Variants in LARGE1 observed in about 807,000 individuals in gnomAD.
LARGE1 encodes the protein xylosyl- and glucuronyltransferase LARGE1.
A neutral mutation model predicts 87.6 loss-of-function variants in LARGE1; 43 were observed. The observed-to-expected ratio is 0.49, with a 90% CI of 0.38 to 0.63. LARGE1 has a LOEUF of 0.63. Ranked by LOEUF, LARGE1 falls within the 30% of genes least tolerant of loss-of-function variation. The pLI is 0.00. For synonymous variants in LARGE1, 434 were observed against 394.6 expected (o/e 1.10, Z -1.18); for missense variants, 802 against 1,000.2 (o/e 0.80, Z 2.67).
At chr22:33,502,520 A>C (rs1393915402) in intron 6 of LARGE1, among the ~76,000 whole-genome samples, 3 of 152,156 alleles carry the variant, frequency 2.0e-5, no homozygotes, top group African/African-American at 7.2e-5. Context: ...CAGCCTCCAA[A>C]TATAATGTTG....
intron 2 of LARGE1, among the ~76,000 whole-genome samples, chr22:33,749,886 T>A (rs12329999): frequency 0.016 from 2,458 of 152,258 alleles, 71 homozygotes; most frequent in African/African-American, 0.057. Context: ...TATCTGCAAG[T>A]TCTTCAGTGA....
In LARGE1 at chr22:33,423,552, C is replaced by T. The variant is rs774631564; in HGVS notation, c.892+8609G>A. On this transcript the variant is annotated intron_variant, in intron 7 of 14. Coordinates refer to ENST00000397394, the MANE Select transcript of LARGE1 (RefSeq NM_133642.5). The stretch of plus-strand genomic sequence containing the variant: ...TAAATTAGCTGGGCATGGTGGTGTG[C>T]GCCTGTAATCCCAGCTACTCAGGAG... Among the ~76,000 whole-genome samples the T allele has an allele frequency of 8.6e-5, 13 of 151,558 alleles. No individual in the cohort carries two copies. In the East Asian group the frequency reaches 2.1e-3, roughly 25 times the overall value.
intron 6 of LARGE1, among the ~76,000 whole-genome samples, chr22:33,500,582 A>G (rs1435523019): frequency 1.3e-5 from 2 of 152,182 alleles, no homozygotes; most frequent in Non-Finnish European, 2.9e-5. Flanking sequence ...GGCACAGTGG[A>G]GCATCCCTCT....
chr22:33,372,280 T>A (rs1390588651), intron 9 of LARGE1, among the ~76,000 whole-genome samples: 1 of 152,074 alleles, frequency 6.6e-6, no homozygotes, highest in Non-Finnish European at 1.5e-5. Flanking sequence ...AATTCAAAAT[T>A]TTTGGCTTCC....
intron 3 of LARGE1, among the ~76,000 whole-genome samples, chr22:33,649,608 C>T (rs1490185600): frequency 1.3e-5 from 2 of 152,280 alleles, no homozygotes; most frequent in Non-Finnish European, 2.9e-5. Flanking sequence ...GCAACTGGAT[C>T]AAGGGTACTC....
chr22:33,724,419 T>A lies in LARGE1; in HGVS notation c.106+36952A>T, dbSNP rs572092891. On this transcript the variant is annotated intron_variant, in intron 2 of 14. Coordinates refer to ENST00000397394, the MANE Select transcript of LARGE1 (RefSeq NM_133642.5). ...GGGTCTTTCTTGACTAGACTGATGA[T>A]GCTATGGGGGTGGAGGTGGAAGTGG... The A allele has an allele frequency of 4.6e-5, 7 of 152,490 alleles. 1 individual carries two copies. The highest frequency in any genetic ancestry group is 1.4e-4 in the African/African-American group (6 of 41,548). The allele number at this position is 152,490 out of a possible 1,614,324, so 9.4% of individuals were successfully genotyped here.
intron 12 of LARGE1, among the ~76,000 whole-genome samples, chr22:33,289,735 C>T (rs741980): frequency 6.6e-6 from 1 of 152,096 alleles, no homozygotes. Context: ...AGGTGTTGCT[C>T]ACAGAGTAAA....
intron 2 of LARGE1, among the ~76,000 whole-genome samples, chr22:33,662,500 G>C (rs7293133): frequency 0.042 from 6,404 of 152,088 alleles, 446 homozygotes; most frequent in African/African-American, 0.15. Flanking sequence ...CTTCTATGGA[G>C]ACCACCTGCT....
the LARGE1 span, among the ~76,000 whole-genome samples, chr22:33,071,119 C>A: frequency 6.6e-6 from 1 of 152,222 alleles, no homozygotes; most frequent in Admixed American, 6.5e-5. Flanking sequence ...TGGTATCATG[C>A]AGCCTCTGAC....
At chr22:33,734,186 G>A (rs141732755) in intron 2 of LARGE1, among the ~76,000 whole-genome samples, 2 of 152,114 alleles carry the variant, frequency 1.3e-5, no homozygotes, top group African/African-American at 2.4e-5. Context: ...AATTACAGCC[G>A]CCTTAATGAC....
intron 6 of LARGE1, among the ~76,000 whole-genome samples, chr22:33,547,168 C>T (rs1170697357): frequency 6.6e-6 from 1 of 151,572 alleles, no homozygotes; most frequent in East Asian, 1.9e-4. Context: ...ACAGCAGTCC[C>T]TAACCTTTTT....
At chr22:33,800,467 T>C (rs918119892) in intron 1 of LARGE1, among the ~76,000 whole-genome samples, 4 of 152,214 alleles carry the variant, frequency 2.6e-5, no homozygotes, top group Admixed American at 2.6e-4. Context: ...TTATCACATG[T>C]ACAGATTTGT....
chr22:33,486,530 C>T (rs201255925), intron 6 of LARGE1, among the ~76,000 whole-genome samples: 3 of 150,166 alleles, frequency 2.0e-5, no homozygotes, highest in East Asian at 2.0e-4. Context: ...GAGAGAGAGA[C>T]AGAGAGAGAG....
chr22:33,789,320 T>C (rs2085749088), intron 1 of LARGE1, among the ~76,000 whole-genome samples: 2 of 152,346 alleles, frequency 1.3e-5, no homozygotes, highest in South Asian at 2.1e-4. Context: ...TGGGAACCCC[T>C]GCCTGGATTT....
chr22:33,767,209 C>T (rs2084935106), intron 1 of LARGE1, among the ~76,000 whole-genome samples: 1 of 150,834 alleles, frequency 6.6e-6, no homozygotes. Flanking sequence ...GTAATCCCAG[C>T]TACTGGAGAG....
chr22:33,885,710 C>G (rs988785112), intron 1 of LARGE1, among the ~76,000 whole-genome samples: 1 of 152,172 alleles, frequency 6.6e-6, no homozygotes, highest in African/African-American at 2.4e-5. Flanking sequence ...TCACCTTCCG[C>G]TGGAGCCCAA....
At chr22:33,150,874 T>C in the LARGE1 span, among the ~76,000 whole-genome samples, 3 of 152,210 alleles carry the variant, frequency 2.0e-5, no homozygotes, top group African/African-American at 7.2e-5. Context: ...TTATAAATCC[T>C]GTAGTGTGAT....
intron 11 of LARGE1, among the ~76,000 whole-genome samples, chr22:33,184,089 T>TATATATATAC (rs1491116302): frequency 6.6e-5 from 5 of 75,812 alleles, no homozygotes. Flanking sequence ...ATCAGTACAC[T>TATATATATAC]ATATATATAT....
At chr22:33,134,444 A>G in the LARGE1 span, among the ~76,000 whole-genome samples, 1 of 152,052 alleles carries the variant, frequency 6.6e-6, no homozygotes, top group Admixed American at 6.5e-5. Context: ...TTTTTAGTAG[A>G]GACGGGATTT....
Sources: allele counts gnomAD v4.1 joint callset (sites outside exome capture counted in the v4.1 genomes callset), GRCh38; gene constraint gnomAD v4.1.1; transcripts MANE v1.5; gene names NCBI Gene and HGNC (gene_info 2026-07-23, HGNC 2026-07-21).